BANK1: variants seen among roughly 807,000 people sequenced by gnomAD.
BANK1 encodes B cell scaffold protein with ankyrin repeats 1, also known as B-cell scaffold protein with ankyrin repeats.
A neutral mutation model predicts 94.5 loss-of-function variants in BANK1; 95 were observed. The ratio of observed to expected loss-of-function variants is 1.00; its 90% CI spans 0.85 to 1.19. The LOEUF is 1.19. BANK1 is among the 50% of genes most tolerant of loss of function. The pLI is 0.00. For synonymous variants in BANK1, 334 were observed against 308.4 expected (o/e 1.08, Z -0.87); for missense variants, 987 against 932.2 (o/e 1.06, Z -0.77).
chr4:101,903,609 G>A (rs879720768), intron 6 of BANK1, among the ~76,000 whole-genome samples: 1 of 152,108 alleles, frequency 6.6e-6, no homozygotes, highest in Non-Finnish European at 1.5e-5. Context: ...GCAATTAGTT[G>A]TAACTCTGCC....
intron 5 of BANK1, among the ~76,000 whole-genome samples, chr4:101,876,338 G>A (rs1419278182): frequency 6.6e-6 from 1 of 152,178 alleles, no homozygotes; most frequent in Non-Finnish European, 1.5e-5. Context: ...CTATCCCCAG[G>A]TCCAGGTGGC....
chr4:101,924,829 G>GAGT (rs1723103511), intron 7 of BANK1, among the ~76,000 whole-genome samples: 1 of 151,538 alleles, frequency 6.6e-6, no homozygotes, highest in Non-Finnish European at 1.5e-5. Flanking sequence ...TCATCACTCA[G>GAGT]GTTTTTTATA....
intron 5 of BANK1, among the ~76,000 whole-genome samples, chr4:101,876,605 G>A (rs996813884): frequency 6.6e-6 from 1 of 152,158 alleles, no homozygotes; most frequent in African/African-American, 2.4e-5. Context: ...GATTGAGAAG[G>A]CTTCAATAAA....
intron 1 of BANK1, among the ~76,000 whole-genome samples, chr4:101,803,083 ATATT>A (rs1725409788): frequency 6.6e-6 from 1 of 152,100 alleles, no homozygotes; most frequent in African/African-American, 2.4e-5. Context: ...TGTTTCACAA[ATATT>A]TATTTAACTA....
chr4:102,032,793 G>T (rs1727364140), intron 10 of BANK1, among the ~76,000 whole-genome samples: 1 of 152,000 alleles, frequency 6.6e-6, no homozygotes, highest in Non-Finnish European at 1.5e-5. Context: ...GCTGAGGCAG[G>T]AGAATAGCTT....
intron 1 of BANK1, among the ~76,000 whole-genome samples, chr4:101,806,964 A>G (rs1326650544): frequency 6.6e-6 from 1 of 152,200 alleles, no homozygotes; most frequent in African/African-American, 2.4e-5. Context: ...AGATGACTCA[A>G]ATACCCTAAG....
chr4:101,914,524 A>G lies in BANK1; in HGVS notation c.1010-3469A>G, dbSNP rs79598231. ...CTTTAAAATGCACTTGATTCTCATT[A>G]TTTGCAGTAGTTATGTTCTATAAAG... On this transcript the variant is annotated intron_variant, in intron 6 of 16. Transcript: ENST00000322953. Among the ~76,000 whole-genome samples, 274 of 152,214 alleles carry G rather than the reference A, an allele frequency of 1.8e-3. 8 individuals carry two copies. The East Asian group carries it at 0.044, about 24-fold the overall frequency.
chr4:101,984,467 T>C (rs1725420597), intron 7 of BANK1, among the ~76,000 whole-genome samples: 1 of 152,124 alleles, frequency 6.6e-6, no homozygotes, highest in African/African-American at 2.4e-5. Flanking sequence ...AATAAGGATA[T>C]TATCTCATTT....
chr4:101,864,042 A>T (rs146594023), intron 4 of BANK1, among the ~76,000 whole-genome samples: 2 of 152,308 alleles, frequency 1.3e-5, no homozygotes, highest in African/African-American at 4.8e-5. Flanking sequence ...GAAAAGCAGA[A>T]AATGAATATG....
rs1728843863 is a variant in BANK1, at chr4:102,074,065, A to G, written c.*66A>G. 4.8e-6 allele frequency: 1 copy of G among 206,706 alleles called. No individual in the cohort carries two copies. Among genetic ancestry groups the G allele is most frequent in the Non-Finnish European group, 9.6e-6 (1 of 104,190 alleles). 12.8% of individuals were successfully genotyped at this position (206,706 alleles called of 1,614,324 possible). ...TTGCTTTCAGGGTGAAGCAAGCTTG[A>G]ATTTGGATTGCCTGCTCTCTTTAAA... On this transcript the variant is annotated 3_prime_UTR_variant, in exon 17 of 17. Coordinates refer to ENST00000322953, the MANE Select transcript of BANK1 (RefSeq NM_017935.5).
At chr4:101,974,972 A>C (rs1725079402) in intron 7 of BANK1, among the ~76,000 whole-genome samples, 1 of 152,058 alleles carries the variant, frequency 6.6e-6, no homozygotes, top group South Asian at 2.1e-4. Context: ...TAAATAAATA[A>C]ACTGAAACAT....
chr4:101,800,815 T>C (rs1725333280), intron 1 of BANK1, among the ~76,000 whole-genome samples: 1 of 152,200 alleles, frequency 6.6e-6, no homozygotes, highest in Non-Finnish European at 1.5e-5. Flanking sequence ...TGGAGTGCAA[T>C]GGTACAATCT....
chr4:101,816,258 G>A (rs553916210), intron 1 of BANK1, among the ~76,000 whole-genome samples: 2 of 152,230 alleles, frequency 1.3e-5, no homozygotes, highest in East Asian at 1.9e-4. Context: ...GTCACAAAAG[G>A]CATAGGCTCA....
At chr4:101,966,558 T>C (rs1187447574) in intron 7 of BANK1, among the ~76,000 whole-genome samples, 1 of 152,074 alleles carries the variant, frequency 6.6e-6, no homozygotes, top group Non-Finnish European at 1.5e-5. Context: ...GCCATTTGTT[T>C]ATCAAGGACT....
At chr4:101,890,597 T>A (rs960962593) in intron 5 of BANK1, among the ~76,000 whole-genome samples, 57 of 147,968 alleles carry the variant, frequency 3.9e-4, no homozygotes, top group Non-Finnish European at 7.0e-4. Context: ...AAAAACCTGA[T>A]TTTATTTATT....
chr4:101,822,280 C>T (rs1234151623), intron 1 of BANK1, among the ~76,000 whole-genome samples: 1 of 151,414 alleles, frequency 6.6e-6, no homozygotes, highest in African/African-American at 2.4e-5. Context: ...TGAGATGGGA[C>T]GATCGCTTAA....
intron 1 of BANK1, among the ~76,000 whole-genome samples, chr4:101,796,311 T>G (rs2148848400): frequency 6.6e-6 from 1 of 152,302 alleles, no homozygotes; most frequent in South Asian, 2.1e-4. Flanking sequence ...TGAACTACTT[T>G]GAGTGAATTT....
chr4:101,926,351 T>C (rs1339306229), intron 7 of BANK1, among the ~76,000 whole-genome samples: 4 of 151,722 alleles, frequency 2.6e-5, no homozygotes, highest in Non-Finnish European at 5.9e-5. Flanking sequence ...AAGATTATGA[T>C]TGACTTATTC....
chr4:101,828,200 T>C (rs1726437733), intron 1 of BANK1, among the ~76,000 whole-genome samples: 1 of 151,778 alleles, frequency 6.6e-6, no homozygotes, highest in Admixed American at 6.6e-5. Flanking sequence ...TTTTTGTAAA[T>C]GCCCTATTAG....
Sources: allele counts gnomAD v4.1 joint callset (sites outside exome capture counted in the v4.1 genomes callset), GRCh38; gene constraint gnomAD v4.1.1; transcripts MANE v1.5; gene names NCBI Gene and HGNC (gene_info 2026-07-23, HGNC 2026-07-21).